Variants in RETREG1 observed in about 807,000 individuals in gnomAD.
RETREG1 encodes the protein reticulophagy regulator 1, also known as family with sequence similarity 134 member B.
In RETREG1, 44 loss-of-function variants were observed where a neutral mutation model predicts 54.8. That is an observed-to-expected ratio of 0.80 (90% CI 0.63 to 1.03). RETREG1 has a LOEUF of 1.03. Among genes scored for constraint, RETREG1 ranks in the 50% least tolerant of loss-of-function variants. The pLI, the probability that RETREG1 is intolerant of heterozygous loss-of-function variation, is 0.00. For synonymous variants in RETREG1, 217 were observed against 238.5 expected (o/e 0.91, Z 0.83); for missense variants, 554 against 605.1 (o/e 0.92, Z 0.89).
intron 3 of RETREG1, among the ~76,000 whole-genome samples, chr5:16,562,755 A>G (rs1741894110): frequency 6.6e-6 from 1 of 152,240 alleles, no homozygotes; most frequent in African/African-American, 2.4e-5. Context: ...AAAACTGCCC[A>G]TATCAACCAA....
At chr5:16,582,211 C>G (rs891024448) in intron 1 of RETREG1, among the ~76,000 whole-genome samples, 1 of 152,162 alleles carries the variant, frequency 6.6e-6, no homozygotes. Flanking sequence ...GTACAGTTCT[C>G]TAAATCACCA....
chr5:16,564,958 G>A (rs756147283), intron 3 of RETREG1, among the ~76,000 whole-genome samples: 10 of 152,004 alleles, frequency 6.6e-5, no homozygotes, highest in Non-Finnish European at 4.4e-5. Context: ...AATTCATTTT[G>A]TGATGCCCAC....
intron 3 of RETREG1, among the ~76,000 whole-genome samples, chr5:16,514,270 ATG>A (rs1740275543): frequency 6.6e-6 from 1 of 152,124 alleles, no homozygotes; most frequent in Non-Finnish European, 1.5e-5. Flanking sequence ...CCTAGAAGGA[ATG>A]AAGTGTTGAA....
intron 3 of RETREG1, among the ~76,000 whole-genome samples, chr5:16,486,544 G>A (rs919501833): frequency 6.6e-6 from 1 of 152,198 alleles, no homozygotes; most frequent in Non-Finnish European, 1.5e-5. Flanking sequence ...TTATTTTATA[G>A]GTGAGGAACG....
intron 3 of RETREG1, among the ~76,000 whole-genome samples, chr5:16,522,179 A>G (rs1468953689): frequency 6.6e-6 from 1 of 152,088 alleles, no homozygotes; most frequent in African/African-American, 2.4e-5. Context: ...AGCATTTGCT[A>G]CAAGAAAAGC....
intron 3 of RETREG1, among the ~76,000 whole-genome samples, chr5:16,510,081 T>C (rs1410982726): frequency 6.6e-6 from 1 of 152,254 alleles, no homozygotes; most frequent in Non-Finnish European, 1.5e-5. Context: ...AATCCTAGCA[T>C]GTTATCTATA....
intron 3 of RETREG1, among the ~76,000 whole-genome samples, chr5:16,501,367 C>T (rs1469186860): frequency 6.6e-6 from 1 of 152,132 alleles, no homozygotes; most frequent in Non-Finnish European, 1.5e-5. Context: ...TGCTCACAGT[C>T]ACCCAGCAGA....
intron 3 of RETREG1, among the ~76,000 whole-genome samples, chr5:16,536,219 T>C (rs1741068842): frequency 1.3e-5 from 2 of 152,124 alleles, no homozygotes; most frequent in African/African-American, 2.4e-5. Context: ...GCATGAACCA[T>C]CCAAATGCTA....
intron 3 of RETREG1, among the ~76,000 whole-genome samples, chr5:16,543,675 C>CAAAA (rs758476063): frequency 2.8e-5 from 2 of 70,364 alleles, no homozygotes; most frequent in African/African-American, 5.3e-5. Context: ...GACAACATCT[C>CAAAA]AAAAAAAAAA....
At chr5:16,477,634 A>G in intron 8 of RETREG1, 28 bp downstream of exon 8, 2 of 1,609,512 alleles carry the variant, frequency 1.2e-6, no homozygotes, top group Non-Finnish European at 1.7e-6. Flanking sequence ...ACTCATAAAA[A>G]TAAATGTCTC....
intron 1 of RETREG1, among the ~76,000 whole-genome samples, chr5:16,579,766 G>C (rs948462342): frequency 6.6e-6 from 1 of 152,174 alleles, no homozygotes; most frequent in Non-Finnish European, 1.5e-5. Flanking sequence ...AGCTTCCTCT[G>C]AGTGTTTTTG....
chr5:16,544,817 G>T (rs1486191045), intron 3 of RETREG1, among the ~76,000 whole-genome samples: 1 of 152,106 alleles, frequency 6.6e-6, no homozygotes, highest in Non-Finnish European at 1.5e-5. Flanking sequence ...TTTATAATAA[G>T]CCTACTCACT....
chr5:16,599,166 C>T (rs1561134934), intron 1 of RETREG1, among the ~76,000 whole-genome samples: 1 of 152,184 alleles, frequency 6.6e-6, no homozygotes. Flanking sequence ...AAGATCACAC[C>T]ACTGCACTCC....
intron 3 of RETREG1, among the ~76,000 whole-genome samples, chr5:16,524,060 A>G (rs912620393): frequency 2.0e-5 from 3 of 152,000 alleles, no homozygotes; most frequent in African/African-American, 7.3e-5. Context: ...CTCAGCCTTA[A>G]CCACAGAGCA....
chr5:16,608,965 ATGGACGC>A (rs1743268362), intron 1 of RETREG1, among the ~76,000 whole-genome samples: 1 of 152,212 alleles, frequency 6.6e-6, no homozygotes, highest in Admixed American at 6.5e-5. Context: ...TTTAGGGAAA[ATGGACGC>A]TGCTTCATTA....
chr5:16,539,365 A>C (rs1561111856), intron 3 of RETREG1, among the ~76,000 whole-genome samples: 1 of 152,128 alleles, frequency 6.6e-6, no homozygotes, highest in African/African-American at 2.4e-5. Context: ...CACACCCCTG[A>C]ATGTCATCAG....
chr5:16,540,243 A>G (rs761583864), intron 3 of RETREG1, among the ~76,000 whole-genome samples: 5 of 152,240 alleles, frequency 3.3e-5, no homozygotes, highest in Non-Finnish European at 7.3e-5. Flanking sequence ...TATGGCAATG[A>G]TCTCTATCCT....
intron 1 of RETREG1, among the ~76,000 whole-genome samples, chr5:16,604,292 G>A (rs939496217): frequency 2.0e-5 from 3 of 152,236 alleles, no homozygotes; most frequent in African/African-American, 7.2e-5. Flanking sequence ...CTTGGGAGAA[G>A]TGACTTAAAT....
intron 3 of RETREG1, among the ~76,000 whole-genome samples, chr5:16,495,683 C>T (rs778428061): frequency 1.3e-4 from 20 of 152,256 alleles, no homozygotes; most frequent in Non-Finnish European, 2.8e-4. Flanking sequence ...TGCCTGTAGT[C>T]CCAGCTACTC....
Sources: gnomAD v4.1 joint callset for allele counts (sites outside exome capture counted in the v4.1 genomes callset) on GRCh38, gnomAD v4.1.1 for gene constraint, MANE v1.5 for transcripts, NCBI Gene and HGNC (gene_info 2026-07-23, HGNC 2026-07-21) for gene names.